Variants in MAP7D2 observed in about 807,000 individuals in gnomAD.
The protein encoded by MAP7D2 is MAP7 domain-containing protein 2.
In MAP7D2, 33 loss-of-function variants were observed where a neutral mutation model predicts 63.5. The observed-to-expected ratio is 0.52, with a 90% confidence interval of 0.39 to 0.70. The LOEUF (loss-of-function observed/expected upper bound fraction) is 0.70. Among genes scored for constraint, MAP7D2 ranks in the 30% least tolerant of loss-of-function variants. The pLI, the probability that MAP7D2 is intolerant of heterozygous loss-of-function variation, is 0.00. For missense variants in MAP7D2, 626 were observed against 604.0 expected (o/e 1.04, Z -0.38); for synonymous variants, 224 against 223.7 (o/e 1.00, Z -0.01).
intron 1 of MAP7D2, among the ~76,000 whole-genome samples, chrX:20,081,131 T>C (rs1178241414): frequency 8.9e-6 from 1 of 112,154 alleles, no homozygotes; most frequent in Non-Finnish European, 1.9e-5. Flanking sequence ...AAATATCTCT[T>C]TTAAACTGTG....
intron 5 of MAP7D2, 66 bp from the exon 6 acceptor site, chrX:20,051,012 A>T: frequency 1.0e-6 from 1 of 958,440 alleles, no homozygotes; most frequent in Non-Finnish European, 1.4e-6. Context: ...TAAAACATTT[A>T]AACAACACAA....
At chrX:20,098,279 A>G (rs759828863) in intron 1 of MAP7D2, among the ~76,000 whole-genome samples, 52 of 112,518 alleles carry the variant, frequency 4.6e-4, no homozygotes, top group Non-Finnish European at 8.6e-4. Flanking sequence ...ACCTGTGGCC[A>G]GGTCCTATAG....
In MAP7D2 at chrX:20,010,921, C is replaced by T. The variant is rs760657781; in HGVS notation, c.2204G>A (p.Gly735Asp). The T allele has an allele frequency of 2.1e-5, 25 of 1,209,105 alleles. No homozygotes were observed. In the Admixed American group the frequency reaches 2.9e-4, roughly 14 times the overall value. Residue 735 changes from glycine to aspartate, a missense_variant, in exon 16 of 17, where the codon GGT (glycine) becomes GAT (aspartate). Gly to Asp is a moderately conservative substitution (Grantham distance 94). Coordinates refer to ENST00000379643, the MANE Select transcript of MAP7D2 (RefSeq NM_001168465.2). ...RALQDLLDFTGPPTFPKRSSE... is the reference protein window; with the variant it reads ...RALQDLLDFTDPPTFPKRSSE... ...GGATCTCTTGGGGAATGTCGGGGGA[C>T]CAGTGAAATCTAAGAGATCTTGAAG... is the stretch of plus-strand genomic sequence containing the variant.
intron 10 of MAP7D2, among the ~76,000 whole-genome samples, chrX:20,018,953 T>C (rs1201258390): frequency 9.0e-6 from 1 of 111,383 alleles, no homozygotes; most frequent in Non-Finnish European, 1.9e-5. Flanking sequence ...CCCTCTGCCG[T>C]GGGCTACCCC....
At chrX:20,077,465 C>T (rs2065675833) in intron 1 of MAP7D2, among the ~76,000 whole-genome samples, 1 of 111,432 alleles carries the variant, frequency 9.0e-6, no homozygotes, top group South Asian at 3.7e-4. Context: ...AAAACAACAA[C>T]GACAACAACA....
At chrX:20,066,724 T>C (rs2148393534) in intron 1 of MAP7D2, among the ~76,000 whole-genome samples, 1 of 111,465 alleles carries the variant, frequency 9.0e-6, no homozygotes, top group African/African-American at 3.3e-5. Flanking sequence ...CCCTGCTCCA[T>C]CTGTTTAAAC....
chrX:20,101,392 T>C (rs189312434), intron 1 of MAP7D2, among the ~76,000 whole-genome samples: 104 of 112,158 alleles, frequency 9.3e-4, no homozygotes, highest in African/African-American at 3.2e-3. Context: ...AAATCGAATA[T>C]CAAGCGATAA....
Position 20,095,124 on chromosome X carries a change from A to G in MAP7D2, c.130+21626T>C, listed in dbSNP as rs137912228. 3.1e-3 allele frequency among the ~76,000 whole-genome samples: 343 copies of G among 111,158 alleles called. 3 individuals carry two copies. Among genetic ancestry groups the G allele is most frequent in the African/African-American group, 0.011 (326 of 30,615 alleles). ...GAGATGATCGCATGACCTCGTGAAT[A>G]TATTTAAAACGACTGGGCTGTATGT... On this transcript the variant is annotated intron_variant, in intron 1 of 16. Transcript: ENST00000379643.
chrX:20,080,237 G>A (rs1287787417), intron 1 of MAP7D2, among the ~76,000 whole-genome samples: 1 of 110,753 alleles, frequency 9.0e-6, no homozygotes, highest in African/African-American at 3.3e-5. Context: ...ACTCTATGCT[G>A]AGGTCTGTCC....
At chrX:20,109,145 T>C (rs969365162) in intron 1 of MAP7D2, among the ~76,000 whole-genome samples, 7 of 107,460 alleles carry the variant, frequency 6.5e-5, no homozygotes, top group African/African-American at 2.4e-4. Context: ...CAGAGGGGTA[T>C]AGCAGATGTG....
At chrX:20,043,532 G>A (rs1390541773) in intron 7 of MAP7D2, among the ~76,000 whole-genome samples, 1 of 111,495 alleles carries the variant, frequency 9.0e-6, no homozygotes, top group Non-Finnish European at 1.9e-5. Flanking sequence ...CCTGCCAACA[G>A]CCATGAATGA....
Position 20,010,795 on chromosome X carries a change from T to C in MAP7D2, c.*8A>G. On this transcript the variant is annotated 3_prime_UTR_variant, in exon 16 of 17. Coordinates refer to ENST00000379643, the MANE Select transcript of MAP7D2 (RefSeq NM_001168465.2). ...ACTGTACCTTTTATTAAAGGGATGC[T>C]GTATTTGTCAACAGAAGGTGTTGAG... The C allele has an allele frequency of 8.3e-7, 1 of 1,203,518 alleles. No individual in the cohort carries two copies. Among genetic ancestry groups the C allele is most frequent in the Non-Finnish European group, 1.1e-6 (1 of 890,962 alleles).
chrX:20,014,133 A>T (rs767230858), intron 12 of MAP7D2, among the ~76,000 whole-genome samples: 182 of 112,790 alleles, frequency 1.6e-3, no homozygotes, highest in Non-Finnish European at 2.4e-3. Context: ...AAATGGACTA[A>T]ACACTCCAAT....
At chrX:20,106,990 A>G (rs756560316) in intron 1 of MAP7D2, among the ~76,000 whole-genome samples, 30 of 106,353 alleles carry the variant, frequency 2.8e-4, no homozygotes, top group African/African-American at 5.8e-4. Context: ...TCTACAAAGA[A>G]AAAAAAAAAA....
chrX:20,048,950 T>C (rs753803405), intron 6 of MAP7D2, among the ~76,000 whole-genome samples: 1 of 108,150 alleles, frequency 9.2e-6, no homozygotes, highest in African/African-American at 3.5e-5. Flanking sequence ...TATACATATA[T>C]GTATACGTAT....
intron 1 of MAP7D2, among the ~76,000 whole-genome samples, chrX:20,093,899 C>T (rs1017359639): frequency 1.4e-4 from 15 of 108,963 alleles, no homozygotes; most frequent in Non-Finnish European, 2.7e-4. Flanking sequence ...AATTGTATGA[C>T]GTATTAAAAA....
intron 6 of MAP7D2, among the ~76,000 whole-genome samples, chrX:20,047,970 G>C (rs1366993815): frequency 2.7e-5 from 3 of 111,387 alleles, no homozygotes; most frequent in African/African-American, 9.8e-5. Flanking sequence ...ACTGCAGGAT[G>C]GTCTCACCCC....
intron 1 of MAP7D2, among the ~76,000 whole-genome samples, chrX:20,084,883 T>C (rs2065872697): frequency 9.0e-6 from 1 of 111,611 alleles, no homozygotes; most frequent in Non-Finnish European, 1.9e-5. Context: ...AGTAGGGCTG[T>C]ATCTAAACGC....
chrX:20,109,393 G>A (rs1217725466), intron 1 of MAP7D2, among the ~76,000 whole-genome samples: 4 of 108,388 alleles, frequency 3.7e-5, no homozygotes, highest in African/African-American at 1.3e-4. Flanking sequence ...GGTGGTGCAC[G>A]CCTGTAGTCC....
Sources: gnomAD v4.1 joint callset for allele counts (sites outside exome capture counted in the v4.1 genomes callset) on GRCh38, gnomAD v4.1.1 for gene constraint, MANE v1.5 for transcripts, NCBI Gene and HGNC (gene_info 2026-07-23, HGNC 2026-07-21) for gene names.